TEAD4: variants seen among roughly 807,000 people sequenced by gnomAD.
The protein encoded by TEAD4 is TEA domain transcription factor 4, also known as transcriptional enhancer factor TEF-3.
TEAD4 carries 36 observed loss-of-function variants against 52.4 expected under a neutral mutation model. The ratio of observed to expected loss-of-function variants is 0.69; its 90% CI spans 0.53 to 0.91. The LOEUF (loss-of-function observed/expected upper bound fraction) is 0.91. Among genes scored for constraint, TEAD4 ranks in the 40% least tolerant of loss-of-function variants. The probability of loss-of-function intolerance (pLI) is 0.00; values close to 1 mark genes in which losing one functional copy is unlikely to be tolerated. For synonymous variants in TEAD4, 220 were observed against 231.0 expected (o/e 0.95, Z 0.43); for missense variants, 508 against 583.9 (o/e 0.87, Z 1.34).
chr12:3,021,892 A>T lies in TEAD4; in HGVS notation c.772A>T (p.Ser258Cys). 1 of 1,614,256 alleles carries T rather than the reference A, an allele frequency of 6.2e-7. No individual in the cohort carries two copies. Among genetic ancestry groups the T allele is most frequent in the Non-Finnish European group, 8.5e-7 (1 of 1,180,044 alleles). ...CATTGGCCAGTCCAGCCCAAGCTAC[A>T]GCGACCCCTACCTCGAAGCCGTGGA... Residue 258 changes from serine to cysteine, a missense_variant, in exon 10 of 13, where the codon AGC becomes TGC. Physicochemically the swap from Ser to Cys is moderately radical, Grantham distance 112. Transcript: ENST00000359864.
intron 2 of TEAD4, among the ~76,000 whole-genome samples, chr12:2,965,676 CCAGTAGCTGGGACTA>C (rs1188396435): frequency 2.0e-5 from 3 of 151,528 alleles, no homozygotes; most frequent in African/African-American, 7.3e-5. Flanking sequence ...CTCAGCCTCC[CCAGTAGCTGGGACTA>C]CAGGCACCCG....
chr12:2,961,491 C>A (rs748930894), intron 2 of TEAD4, among the ~76,000 whole-genome samples: 16 of 152,030 alleles, frequency 1.1e-4, no homozygotes, highest in Non-Finnish European at 2.1e-4. Context: ...CTCACCTCTT[C>A]GGCCTGGTGT....
intron 2 of TEAD4, among the ~76,000 whole-genome samples, chr12:2,968,194 C>T (rs1297933455): frequency 6.8e-6 from 1 of 146,204 alleles, no homozygotes; most frequent in East Asian, 2.1e-4. Flanking sequence ...TCAAGCGATT[C>T]TCCTGCCACA....
At chr12:2,993,032 A>T (rs1383909976) in intron 2 of TEAD4, among the ~76,000 whole-genome samples, 1 of 152,174 alleles carries the variant, frequency 6.6e-6, no homozygotes, top group Non-Finnish European at 1.5e-5. Context: ...TTCTTTCAGA[A>T]AGAGCCTGAG....
chr12:3,032,008 C>T (rs551476223), intron 10 of TEAD4, among the ~76,000 whole-genome samples: 3 of 152,310 alleles, frequency 2.0e-5, no homozygotes, highest in South Asian at 4.1e-4. Flanking sequence ...GCAGTGGCAG[C>T]GTGGGGAGAG....
intron 7 of TEAD4, 30 bp from the exon 8 acceptor site, chr12:3,019,085 C>T (rs754597536): frequency 1.9e-6 from 3 of 1,613,628 alleles, no homozygotes; most frequent in Non-Finnish European, 2.5e-6. Flanking sequence ...CTGCCCGAGG[C>T]TGACACCTCC....
intron 10 of TEAD4, 23 bp downstream of exon 10, chr12:3,022,040 T>C (rs3741952): frequency 0.75 from 1,216,103 of 1,611,876 alleles, 469,198 homozygotes; most frequent in East Asian, 0.92. Context: ...TAACCCCTTC[T>C]TTCCTGCCAC....
At chr12:2,996,232 C>G (rs1438166076) in intron 3 of TEAD4, among the ~76,000 whole-genome samples, 3 of 152,066 alleles carry the variant, frequency 2.0e-5, no homozygotes, top group Non-Finnish European at 2.9e-5. Flanking sequence ...TGCCCACCCC[C>G]ACGGGTTTCC....
chr12:3,019,715 G>C (rs1472801578), intron 8 of TEAD4, among the ~76,000 whole-genome samples: 1 of 152,114 alleles, frequency 6.6e-6, no homozygotes, highest in East Asian at 1.9e-4. Flanking sequence ...TGTAGGACAA[G>C]ACCAGCTCCT....
chr12:2,965,178 T>C (rs934915951), intron 2 of TEAD4, among the ~76,000 whole-genome samples: 1 of 152,148 alleles, frequency 6.6e-6, no homozygotes, highest in Admixed American at 6.5e-5. Flanking sequence ...ATTTTTTATT[T>C]TTTGAGACAG....
intron 2 of TEAD4, among the ~76,000 whole-genome samples, chr12:2,973,638 G>A (rs1347150854): frequency 6.6e-6 from 1 of 152,208 alleles, no homozygotes; most frequent in African/African-American, 2.4e-5. Context: ...TGTTCCTGGC[G>A]TAGAGCATGG....
intron 6 of TEAD4, 72 bp from the exon 7 acceptor site, chr12:3,018,473 C>T (rs1359923565): frequency 3.8e-6 from 6 of 1,587,102 alleles, no homozygotes; most frequent in Non-Finnish European, 5.2e-6. Context: ...CCCGGTCCTA[C>T]CCCCACCCCC....
intron 2 of TEAD4, among the ~76,000 whole-genome samples, chr12:2,961,634 G>A (rs1193913897): frequency 2.0e-5 from 3 of 152,042 alleles, no homozygotes; most frequent in Non-Finnish European, 4.4e-5. Flanking sequence ...TAATACGAGC[G>A]GAGCTTTTCT....
intron 2 of TEAD4, among the ~76,000 whole-genome samples, chr12:2,976,561 G>C (rs2098229851): frequency 6.6e-6 from 1 of 152,204 alleles, no homozygotes; most frequent in Admixed American, 6.5e-5. Context: ...CAGAGGCTGA[G>C]GGGAGGCCAG....
intron 10 of TEAD4, among the ~76,000 whole-genome samples, chr12:3,030,185 T>C: frequency 6.6e-6 from 1 of 152,218 alleles, no homozygotes. Context: ...AAAGTTTTTT[T>C]GTTTGTTGGT....
rs749705391 is a variant in TEAD4 at position 3,038,127 on chromosome 12, G to A, written c.1038+19G>A. On this transcript the variant is annotated intron_variant, in intron 11 of 12. Transcript: ENST00000359864. ...AGTTGAGGTAGGAGGCCACCCTGGC[G>A]GGTGAGGGCCGGTGGCAGTGGTCTG... 10 of 1,606,816 alleles carry A rather than the reference G, an allele frequency of 6.2e-6. No individual in the cohort carries two copies. The highest frequency in any genetic ancestry group is 2.7e-5 in the African/African-American group (2 of 74,814).
At chr12:2,966,800 G>A (rs1305740676) in intron 2 of TEAD4, among the ~76,000 whole-genome samples, 1 of 151,984 alleles carries the variant, frequency 6.6e-6, no homozygotes, top group Non-Finnish European at 1.5e-5. Flanking sequence ...TCCGCCTCCT[G>A]GGTTCAAGCG....
chr12:2,996,454 G>T (rs1354269695), intron 3 of TEAD4, among the ~76,000 whole-genome samples: 3 of 150,626 alleles, frequency 2.0e-5, no homozygotes, highest in Non-Finnish European at 3.0e-5. Context: ...TGTTGCCCAG[G>T]CTAGAGTGCA....
chr12:3,006,549 T>G (rs534586454), intron 3 of TEAD4, among the ~76,000 whole-genome samples: 26 of 151,788 alleles, frequency 1.7e-4, no homozygotes, highest in African/African-American at 6.3e-4. Flanking sequence ...CAAAATTAGC[T>G]GGGCGTTGCC....
Sources: allele counts gnomAD v4.1 joint callset (sites outside exome capture counted in the v4.1 genomes callset), GRCh38; gene constraint gnomAD v4.1.1; transcripts MANE v1.5; gene names NCBI Gene and HGNC (gene_info 2026-07-23, HGNC 2026-07-21).